Variants in BNC1 observed in about 807,000 individuals in gnomAD.
BNC1 encodes the protein zinc finger protein basonuclin-1.
In BNC1, 8 loss-of-function variants were observed where a neutral mutation model predicts 66.5. The ratio of observed to expected loss-of-function variants is 0.12; its 90% CI spans 0.07 to 0.22. The LOEUF (loss-of-function observed/expected upper bound fraction) is 0.22. Ranked by LOEUF, BNC1 falls within the 10% of genes least tolerant of loss-of-function variation. BNC1 has a pLI of 1.00. For missense variants in BNC1, 1,069 were observed against 1,241.3 expected, an observed-to-expected ratio of 0.86 and a Z score of 2.09; for synonymous variants, 454 against 452.6, an observed-to-expected ratio of 1.00 and a Z score of -0.04.
Position 83,263,888 on chromosome 15 carries a change from T to G in BNC1, c.1363A>C (p.Ser455Arg), listed in dbSNP as rs2038182098. The G allele has an allele frequency of 6.2e-7, 1 of 1,614,200 alleles. No individual in the cohort carries two copies. Among genetic ancestry groups the G allele is most frequent in the East Asian group, 2.2e-5 (1 of 44,880 alleles). Residue 455 changes from serine (S) to arginine (R), a missense_variant, in exon 4 of 5, where the codon AGC becomes CGC. Ser to Arg is a moderately radical substitution (Grantham distance 110). This residue lies in a region of BNC1 where 657 missense variants were observed against 715.8 expected (regional missense o/e 0.92). Coordinates refer to ENST00000345382, the MANE Select transcript of BNC1 (RefSeq NM_001717.4). ...VTSPDCRPPP[S>R]YPGSGEDSKG... ...GAATCCTCTCCTGAACCAGGGTAGCTGGGAGGAGGCCTACAGTCTGGGGAC... is the reference window on the plus strand; with the variant it reads ...GAATCCTCTCCTGAACCAGGGTAGCGGGGAGGAGGCCTACAGTCTGGGGAC...
At chr15:83,260,161 G>C (rs2038124998) in intron 4 of BNC1, among the ~76,000 whole-genome samples, 1 of 152,168 alleles carries the variant, frequency 6.6e-6, no homozygotes, top group Non-Finnish European at 1.5e-5. Context: ...GAACAGTGGA[G>C]TTTTTCAGAG....
chr15:83,257,101 A>T lies in BNC1; in HGVS notation c.*341T>A, dbSNP rs1350540088. ...ACCTTTAACACTGCAAGCCTCATTT[A>T]AAGCCACCCCCAGGTCCTGGGCCCA... is the stretch of plus-strand genomic sequence containing the variant. On this transcript the variant is annotated 3_prime_UTR_variant, in exon 5 of 5. Coordinates refer to ENST00000345382, the MANE Select transcript of BNC1 (RefSeq NM_001717.4). The T allele has an allele frequency of 3.3e-6, 1 of 299,756 alleles. No individual in the cohort carries two copies. Among genetic ancestry groups the T allele is most frequent in the South Asian group, 5.1e-5 (1 of 19,438 alleles). 18.6% of individuals were successfully genotyped at this position (299,756 alleles called of 1,614,324 possible).
chr15:83,274,343 C>G (rs905920404), intron 1 of BNC1, among the ~76,000 whole-genome samples: 4 of 152,146 alleles, frequency 2.6e-5, no homozygotes, highest in African/African-American at 9.7e-5. Context: ...TGAGATCGCG[C>G]CACTGCACTC....
chr15:83,267,447 T>C (rs1034518612), intron 2 of BNC1, among the ~76,000 whole-genome samples: 1 of 152,126 alleles, frequency 6.6e-6, no homozygotes, highest in African/African-American at 2.4e-5. Context: ...AGACCTGAGT[T>C]TGAGCGTTAG....
chr15:83,264,753 G>T lies in BNC1; in HGVS notation c.498C>A (p.Thr166=). The T allele has an allele frequency of 6.2e-7, 1 of 1,614,198 alleles. No individual in the cohort carries two copies. The highest frequency in any genetic ancestry group is 8.5e-7 in the Non-Finnish European group (1 of 1,180,026). ...CTCCAAAACGAAGGAACTGCTGCAA[G>T]GTGGCCACTTCTTCCTCACTGGTCA... ...SIMTSEEEVA[T]LQQFLRFGET... Residue 166 remains threonine, a synonymous_variant, in exon 4 of 5, where the codon ACC becomes ACA. Coordinates refer to ENST00000345382, the MANE Select transcript of BNC1 (RefSeq NM_001717.4).
chr15:83,274,952 A>G (rs958599669), intron 1 of BNC1, among the ~76,000 whole-genome samples: 63 of 152,312 alleles, frequency 4.1e-4, no homozygotes, highest in African/African-American at 1.4e-3. Flanking sequence ...TCCTACAACC[A>G]CTTTCAGAGT....
At chr15:83,268,098 A>G (rs373826765) in intron 2 of BNC1, 35 bp downstream of exon 2, 11 of 1,554,190 alleles carry the variant, frequency 7.1e-6, no homozygotes, top group Non-Finnish European at 8.9e-6. Context: ...TAGAGGTAAC[A>G]CTACAGGCCA....
At chr15:83,269,956 G>T (rs534199632) in intron 1 of BNC1, among the ~76,000 whole-genome samples, 26 of 152,310 alleles carry the variant, frequency 1.7e-4, no homozygotes, top group African/African-American at 5.1e-4. Context: ...TATGTACTAA[G>T]TGAGAGAAGC....
intron 1 of BNC1, among the ~76,000 whole-genome samples, chr15:83,279,426 G>A (rs2038357105): frequency 6.6e-6 from 1 of 152,164 alleles, no homozygotes; most frequent in African/African-American, 2.4e-5. Context: ...TGGGATAGGA[G>A]AAATGGAGAA....
chr15:83,275,369 G>GTA (rs2038309515), intron 1 of BNC1, among the ~76,000 whole-genome samples: 1 of 151,980 alleles, frequency 6.6e-6, no homozygotes, highest in Admixed American at 6.6e-5. Flanking sequence ...GGTGGCGCAT[G>GTA]CCTGTAATCC....
chr15:83,261,811 C>A (rs1406262460), intron 4 of BNC1, among the ~76,000 whole-genome samples: 4 of 152,180 alleles, frequency 2.6e-5, no homozygotes, highest in African/African-American at 9.6e-5. Context: ...CACCTTTATT[C>A]TTTTATAACT....
In BNC1 at chr15:83,257,348, C is replaced by A; in HGVS notation, c.*94G>T. The A allele has an allele frequency of 7.2e-7, 1 of 1,387,532 alleles. No individual in the cohort carries two copies. The highest frequency in any genetic ancestry group is 9.9e-7 in the Non-Finnish European group (1 of 1,014,592). 86.0% of individuals were successfully genotyped at this position (1,387,532 alleles called of 1,614,324 possible). ...AAATCAAATACTTTTGCCTGACTCG[C>A]CCCAAATGATATGAAACAGAAACAT... On this transcript the variant is annotated 3_prime_UTR_variant, in exon 5 of 5. Transcript: ENST00000345382.
At chr15:83,280,489 G>A (rs925531493) in intron 1 of BNC1, among the ~76,000 whole-genome samples, 1 of 152,178 alleles carries the variant, frequency 6.6e-6, no homozygotes, top group Non-Finnish European at 1.5e-5. Context: ...ACATTTCTAA[G>A]TAAGATTTTG....
chr15:83,271,956 T>C (rs1239680694), intron 1 of BNC1, among the ~76,000 whole-genome samples: 1 of 152,234 alleles, frequency 6.6e-6, no homozygotes, highest in Non-Finnish European at 1.5e-5. Flanking sequence ...TTACACACTG[T>C]CAAAACAAAA....
In BNC1 at chr15:83,263,252, G is replaced by A. The variant is rs867490182; in HGVS notation, c.1999C>T (p.Pro667Ser). ...TGCAGTTCCATGTAGTCAGAAAAAG[G>A]AACTTGGGGTTCCATCCCAGGTGTG... is the stretch of plus-strand genomic sequence containing the variant. ...YFTPGMEPQV[P>S]FSDYMELQQR... The change falls in exon 4 of 5, where the codon CCT (proline) becomes TCT (serine). Residue 667 changes from proline (P) to serine (S), a missense_variant. Physicochemically the swap from Pro to Ser is moderately conservative, Grantham distance 74. Around this residue, in one of 7 missense-constraint regions of BNC1, gnomAD observed 657 missense variants for 715.8 expected, o/e 0.92. Coordinates refer to ENST00000345382, the MANE Select transcript of BNC1 (RefSeq NM_001717.4). 2 of 1,614,198 alleles carry A rather than the reference G, an allele frequency of 1.2e-6. No homozygotes were observed. The highest frequency in any genetic ancestry group is 1.7e-5 in the Admixed American group (1 of 60,026).
chr15:83,283,221 GT>G (rs1380067824), intron 1 of BNC1: 1 of 1,535,596 alleles, frequency 6.5e-7, no homozygotes, highest in African/African-American at 1.4e-5. Context: ...ATTTGTGAAA[GT>G]TTGGCTCGGA....
intron 1 of BNC1, among the ~76,000 whole-genome samples, chr15:83,274,549 T>A (rs933495350): frequency 3.9e-5 from 6 of 152,204 alleles, no homozygotes; most frequent in Non-Finnish European, 8.8e-5. Context: ...CTGAGTTCAA[T>A]GGTAGGTAGA....
Position 83,258,006 on chromosome 15 carries a change from A to G in BNC1, c.2421T>C (p.Asp807=), listed in dbSNP as rs146663253. 6.2e-6 allele frequency: 10 copies of G among 1,614,126 alleles called. No individual in the cohort carries two copies. In the African/African-American group the frequency reaches 1.2e-4, roughly 19 times the overall value. ...GGGAGGCTTGCTGTGTAAAAGCCAC[A>G]TCCTGATAGGCTTCCTTAGCCACAT... ...LKDVAKEAYQ[D]VAFTQQASQT... The change falls in exon 5 of 5, where the codon GAT becomes GAC. Residue 807 remains aspartate (D), a synonymous_variant. Coordinates refer to ENST00000345382, the MANE Select transcript of BNC1 (RefSeq NM_001717.4).
intron 1 of BNC1, chr15:83,283,298 A>T: frequency 2.0e-6 from 3 of 1,505,922 alleles, no homozygotes; most frequent in Non-Finnish European, 2.7e-6. Flanking sequence ...CATCTGGCTG[A>T]CAAATCCCGA....
Sources: allele counts gnomAD v4.1 joint callset (sites outside exome capture counted in the v4.1 genomes callset), GRCh38; gene constraint gnomAD v4.1.1; regional missense constraint gnomAD v4.1.1; transcripts MANE v1.5; gene names NCBI Gene and HGNC (gene_info 2026-07-23, HGNC 2026-07-21).